The following FOXJ3 variants were observed in gnomAD, a reference collection of about 807,000 sequenced individuals.
The protein encoded by FOXJ3 is forkhead box protein J3.
A neutral mutation model predicts 76.1 loss-of-function variants in FOXJ3; 22 were observed. That is an observed-to-expected ratio of 0.29 (90% CI 0.21 to 0.41). FOXJ3 has a LOEUF of 0.41. Ranked by LOEUF, FOXJ3 falls within the 10% of genes least tolerant of loss-of-function variation. The pLI, the probability that FOXJ3 is intolerant of heterozygous loss-of-function variation, is 1.00. For synonymous variants in FOXJ3, 269 were observed against 261.2 expected (o/e 1.03, Z -0.29); for missense variants, 613 against 762.1 (o/e 0.80, Z 2.30).
At chr1:42,191,780 G>C (rs973183224) in intron 8 of FOXJ3, 61 bp from the exon 9 acceptor site, 3 of 1,552,538 alleles carry the variant, frequency 1.9e-6, no homozygotes, top group Middle Eastern at 1.7e-4. Flanking sequence ...ACAAACATTT[G>C]TAAAATTATT....
rs1646484870 is a variant in FOXJ3, at chr1:42,188,714, CAAG to C, written c.1645+20_1645+22del. 1 of 1,425,516 alleles carries C rather than the reference CAAG, an allele frequency of 7.0e-7. No individual in the cohort carries two copies. The highest frequency in any genetic ancestry group is 9.3e-7 in the Non-Finnish European group (1 of 1,072,206). The allele number at this position is 1,425,516 out of a possible 1,614,324, so 88.3% of individuals were successfully genotyped here. ...GTACGAATGAGAAAATGAGAAAAAT[CAAG>C]AAGATAACTAACCCCATACCTGTTC... On this transcript the variant is annotated intron_variant, in intron 11 of 12. Transcript: ENST00000361346.
intron 11 of FOXJ3, among the ~76,000 whole-genome samples, chr1:42,183,534 A>G (rs532588413): frequency 4.6e-5 from 7 of 152,136 alleles, no homozygotes; most frequent in African/African-American, 1.7e-4. Flanking sequence ...CCCTCCTCCA[A>G]TAACTCATGA....
intron 1 of FOXJ3, among the ~76,000 whole-genome samples, chr1:42,312,017 A>C (rs1654843290): frequency 6.6e-6 from 1 of 152,214 alleles, no homozygotes; most frequent in South Asian, 2.1e-4. Context: ...AAATGGGTTT[A>C]AGTGTATACA....
At chr1:42,275,007 G>A (rs1380082247) in intron 3 of FOXJ3, among the ~76,000 whole-genome samples, 1 of 152,134 alleles carries the variant, frequency 6.6e-6, no homozygotes, top group East Asian at 1.9e-4. Flanking sequence ...TATATGAAAG[G>A]AAGGTACAAA....
At chr1:42,333,612 T>G (rs1656288255) in intron 1 of FOXJ3, among the ~76,000 whole-genome samples, 1 of 152,106 alleles carries the variant, frequency 6.6e-6, no homozygotes, top group East Asian at 1.9e-4. Context: ...CTATAAATAT[T>G]TGCTAGGGAC....
intron 11 of FOXJ3, among the ~76,000 whole-genome samples, chr1:42,187,433 A>G (rs532316703): frequency 6.6e-4 from 101 of 152,330 alleles, no homozygotes; most frequent in African/African-American, 2.4e-3. Flanking sequence ...GAGAGGTGGT[A>G]CACCTGGTCT....
Position 42,195,064 on chromosome 1 carries a change from C to T in FOXJ3, c.760G>A (p.Val254Met). 2 of 1,591,258 alleles carry T rather than the reference C, an allele frequency of 1.3e-6. No individual in the cohort carries two copies. The highest frequency in any genetic ancestry group is 1.7e-6 in the Non-Finnish European group (2 of 1,172,328). ...GAGACTGATTCTGGATGGCTTGTCA[C>T]CTAACATTAAAAGAAAACACAACTA... ...SVGSVHSYTP[V>M]TSHPESVSQS... The change falls in exon 8 of 13, where the codon GTG (valine) becomes ATG (methionine). Residue 254 changes from valine to methionine, a missense_variant and splice_region_variant. Val to Met is a conservative substitution (Grantham distance 21, BLOSUM62 1). This residue lies in a region of FOXJ3 where 526 missense variants were observed against 601.4 expected (regional missense o/e 0.87). Coordinates refer to ENST00000361346, the MANE Select transcript of FOXJ3 (RefSeq NM_014947.5).
chr1:42,243,377 ATAAT>A (rs1649301410), intron 4 of FOXJ3, among the ~76,000 whole-genome samples: 1 of 152,230 alleles, frequency 6.6e-6, no homozygotes, highest in Admixed American at 6.5e-5. Context: ...CAACCAGAAA[ATAAT>A]TAACAGAATG....
chr1:42,185,953 G>A (rs1569772186), intron 11 of FOXJ3, among the ~76,000 whole-genome samples: 2 of 152,028 alleles, frequency 1.3e-5, no homozygotes, highest in East Asian at 3.9e-4. Flanking sequence ...ACTATATTCT[G>A]GGACTCAAGA....
At chr1:42,262,229 T>C (rs927256090) in intron 4 of FOXJ3, among the ~76,000 whole-genome samples, 3 of 152,208 alleles carry the variant, frequency 2.0e-5, no homozygotes, top group African/African-American at 4.8e-5. Context: ...GCTCCAGTTC[T>C]TCCTTAAGTA....
At chr1:42,311,344 T>G (rs1023380176) in intron 1 of FOXJ3, among the ~76,000 whole-genome samples, 1 of 152,096 alleles carries the variant, frequency 6.6e-6, no homozygotes, top group Non-Finnish European at 1.5e-5. Context: ...TACAGACATA[T>G]CAGGAAGCGT....
intron 4 of FOXJ3, among the ~76,000 whole-genome samples, chr1:42,232,200 T>C (rs1018335763): frequency 2.0e-5 from 3 of 151,304 alleles, no homozygotes; most frequent in Non-Finnish European, 4.4e-5. Flanking sequence ...TCTATCATTG[T>C]TGGACATTTG....
intron 12 of FOXJ3, among the ~76,000 whole-genome samples, chr1:42,181,657 G>A (rs984371033): frequency 2.6e-5 from 4 of 152,202 alleles, no homozygotes; most frequent in African/African-American, 9.6e-5. Context: ...CCAAGTGGCT[G>A]TCCAGACATT....
At chr1:42,277,974 C>A (rs773991936) in intron 3 of FOXJ3, among the ~76,000 whole-genome samples, 8 of 123,734 alleles carry the variant, frequency 6.5e-5, no homozygotes, top group Non-Finnish European at 1.1e-4. Context: ...GAGACTCCAT[C>A]TCAAAAAAAA....
chr1:42,203,403 C>T (rs1230764590), intron 6 of FOXJ3, among the ~76,000 whole-genome samples: 1 of 152,208 alleles, frequency 6.6e-6, no homozygotes, highest in Non-Finnish European at 1.5e-5. Flanking sequence ...TTATCTTCCT[C>T]CAAAGAGAAT....
At chr1:42,274,126 T>C (rs374654717) in intron 3 of FOXJ3, among the ~76,000 whole-genome samples, 13 of 152,312 alleles carry the variant, frequency 8.5e-5, no homozygotes, top group African/African-American at 2.4e-4. Context: ...TGTGTGTTCA[T>C]TGCCACACAG....
intron 4 of FOXJ3, among the ~76,000 whole-genome samples, chr1:42,260,908 T>G (rs926932122): frequency 2.6e-5 from 4 of 152,196 alleles, no homozygotes; most frequent in African/African-American, 9.6e-5. Context: ...CATGTGGTTT[T>G]AAACTTCTTA....
chr1:42,296,122 T>G (rs1464327183), intron 2 of FOXJ3, among the ~76,000 whole-genome samples: 1 of 152,212 alleles, frequency 6.6e-6, no homozygotes, highest in Non-Finnish European at 1.5e-5. Context: ...TTTTTTCAAG[T>G]GTTTGTTGGC....
intron 1 of FOXJ3, among the ~76,000 whole-genome samples, chr1:42,317,775 A>G (rs1299057922): frequency 6.6e-6 from 1 of 152,184 alleles, no homozygotes; most frequent in East Asian, 1.9e-4. Flanking sequence ...ATTAAATAAA[A>G]TTAAGTAGAA....
Sources: allele counts gnomAD v4.1 joint callset (sites outside exome capture counted in the v4.1 genomes callset), GRCh38; gene constraint gnomAD v4.1.1; regional missense constraint gnomAD v4.1.1; transcripts MANE v1.5; gene names NCBI Gene and HGNC (gene_info 2026-07-23, HGNC 2026-07-21).